The following PCBP2 variants were observed in gnomAD, a reference collection of about 807,000 sequenced individuals.
The protein encoded by PCBP2 is poly(rC)-binding protein 2.
Under a neutral mutation model 50.1 loss-of-function variants are expected in PCBP2, and 4 were observed. The ratio of observed to expected loss-of-function variants is 0.08; its 90% CI spans 0.04 to 0.18. The LOEUF (loss-of-function observed/expected upper bound fraction) is 0.18. PCBP2 is among the 10% of genes least tolerant of loss of function. The pLI, the probability that PCBP2 is intolerant of heterozygous loss-of-function variation, is 1.00. For missense variants in PCBP2, 161 were observed against 474.3 expected (o/e 0.34, Z 6.14); for synonymous variants, 179 against 168.0 (o/e 1.07, Z -0.51).
At chr12:53,460,089 T>C (rs563783043) in intron 6 of PCBP2, 13 of 233,688 alleles carry the variant, frequency 5.6e-5, no homozygotes, top group South Asian at 2.1e-4. Context: ...ACCAGACTTA[T>C]AAACAACAAG....
intron 14 of PCBP2, among the ~76,000 whole-genome samples, chr12:53,476,452 T>C (rs1310840013): frequency 6.6e-6 from 1 of 152,238 alleles, no homozygotes; most frequent in African/African-American, 2.4e-5. Flanking sequence ...CATTTTCTTA[T>C]ACTAAGATGG....
At chr12:53,464,888 A>C in intron 9 of PCBP2, 36 bp downstream of exon 9, 1 of 1,563,966 alleles carries the variant, frequency 6.4e-7, no homozygotes, top group Non-Finnish European at 8.6e-7. Flanking sequence ...GGCTCACTCA[A>C]TCCTTCCGCC....
chr12:53,469,592 G>A (rs1942059874), intron 13 of PCBP2, among the ~76,000 whole-genome samples: 1 of 152,026 alleles, frequency 6.6e-6, no homozygotes, highest in Non-Finnish European at 1.5e-5. Flanking sequence ...CTGGCATGGT[G>A]TTGCATCTCT....
intron 4 of PCBP2, 46 bp downstream of exon 4, chr12:53,455,539 C>A (rs1412191433): frequency 6.3e-7 from 1 of 1,585,132 alleles, no homozygotes; most frequent in Non-Finnish European, 8.7e-7. Context: ...AAGTAAAAAA[C>A]CTTTAAAACA....
rs552321931 is a variant in PCBP2, at chr12:53,466,749, A to G, written c.715-472A>G. 4.6e-5 allele frequency among the ~76,000 whole-genome samples: 7 copies of G among 152,238 alleles called. No individual in the cohort carries two copies. The South Asian group carries it at 1.2e-3, about 27-fold the overall frequency. ...TGGTGGCGGTGATGGGACTAAACCC[A>G]GTATGGTTTCTTCACCTCTCTCCTC... On this transcript the variant is annotated intron_variant, in intron 10 of 14. Coordinates refer to ENST00000546463, the MANE Select transcript of PCBP2 (RefSeq NM_031989.5).
chr12:53,467,489 C>A, intron 11 of PCBP2, 196 bp downstream of exon 11: 1 of 641,922 alleles, frequency 1.6e-6, no homozygotes, highest in Non-Finnish European at 2.8e-6. Flanking sequence ...GTCAGTTATT[C>A]TAAAAGAAAA....
At chr12:53,453,005 G>A (rs1454852488) in intron 1 of PCBP2, 6 of 152,046 alleles carry the variant, frequency 3.9e-5, no homozygotes, top group African/African-American at 1.2e-4. Flanking sequence ...CAAAATGCCT[G>A]CCGATGTAAT....
intron 10 of PCBP2, among the ~76,000 whole-genome samples, chr12:53,466,794 C>A (rs548740171): frequency 1.3e-5 from 2 of 152,044 alleles, no homozygotes; most frequent in Non-Finnish European, 2.9e-5. Flanking sequence ...TCCCTGCCCC[C>A]CTCATCTCCT....
chr12:53,480,539 A>G lies in PCBP2; in HGVS notation c.*1097A>G, dbSNP rs1378273340. The G allele has an allele frequency of 6.5e-6, 1 of 152,686 alleles. No individual in the cohort carries two copies. The highest frequency in any genetic ancestry group is 2.4e-5 in the African/African-American group (1 of 41,432). 9.5% of individuals were successfully genotyped at this position (152,686 alleles called of 1,614,324 possible). On this transcript the variant is annotated 3_prime_UTR_variant, in exon 15 of 15. Transcript: ENST00000546463. Reference sequence around the variant, plus strand: ...TTTCAAGGTTTTTCACAGGGGTTACAGTAGGACAGTCCCCACCCCAATCAG... The same window carrying G: ...TTTCAAGGTTTTTCACAGGGGTTACGGTAGGACAGTCCCCACCCCAATCAG...
intron 5 of PCBP2, among the ~76,000 whole-genome samples, chr12:53,457,598 A>G (rs956043299): frequency 1.3e-5 from 2 of 150,708 alleles, no homozygotes; most frequent in African/African-American, 4.9e-5. Context: ...CTCCTGTCTC[A>G]GCCTCCCAAA....
chr12:53,456,400 G>A (rs2137022900), intron 5 of PCBP2, among the ~76,000 whole-genome samples: 1 of 151,562 alleles, frequency 6.6e-6, no homozygotes, highest in Middle Eastern at 3.4e-3. Context: ...GGAGGTTGTG[G>A]TGAGCCGAGA....
intron 5 of PCBP2, among the ~76,000 whole-genome samples, chr12:53,458,525 T>A (rs912047831): frequency 4.0e-5 from 6 of 151,896 alleles, no homozygotes; most frequent in Admixed American, 3.3e-4. Context: ...CAGGCTGGTC[T>A]TGAACTGCTG....
At chr12:53,455,648 T>G (rs1940951132) in intron 4 of PCBP2, among the ~76,000 whole-genome samples, 155 bp downstream of exon 4, 1 of 151,290 alleles carries the variant, frequency 6.6e-6, no homozygotes, top group Admixed American at 6.6e-5. Context: ...GGGAGTGTAT[T>G]TTTTTTTTCC....
chr12:53,462,183 A>T (rs1043422390), intron 7 of PCBP2, among the ~76,000 whole-genome samples: 6 of 152,238 alleles, frequency 3.9e-5, no homozygotes, highest in Admixed American at 3.9e-4. Context: ...ATCAACAAAA[A>T]TATACGTTTA....
chr12:53,475,878 C>A (rs186104698), intron 14 of PCBP2: 125 of 152,348 alleles, frequency 8.2e-4, no homozygotes, highest in African/African-American at 2.8e-3. Flanking sequence ...TATCTGACTT[C>A]TCAGATGGCC....
intron 14 of PCBP2, chr12:53,474,954 CCTT>C (rs753254432): frequency 1.2e-4 from 53 of 456,688 alleles, no homozygotes; most frequent in Middle Eastern, 6.5e-4. Context: ...ACCCTCCACC[CCTT>C]CTTCTTCTTC....
intron 12 of PCBP2, 79 bp downstream of exon 12, chr12:53,467,922 A>G (rs1039810555): frequency 4.6e-6 from 5 of 1,089,716 alleles, no homozygotes; most frequent in East Asian, 2.4e-5. Flanking sequence ...TTCACTGCCC[A>G]TGAACCATAC....
chr12:53,467,971 A>T lies in PCBP2; in HGVS notation c.826+128A>T. 3.8e-6 allele frequency: 3 copies of T among 788,318 alleles called. No individual in the cohort carries two copies. In the South Asian group the frequency reaches 4.5e-5, roughly 12 times the overall value. 48.8% of individuals were successfully genotyped at this position (788,318 alleles called of 1,614,324 possible). A position where few individuals can be genotyped will look rare whatever the true frequency, so the allele number is the denominator to read the frequency against. ...ATGGCAGAGAGGAGCTGAGAGAGCA[A>T]AGGGGTGGGCCTGGAGCCCCCGAGG... On this transcript the variant is annotated intron_variant, in intron 12 of 14. Transcript: ENST00000546463.
At chr12:53,474,788 T>C (rs1210542312) in intron 14 of PCBP2, 3 of 349,966 alleles carry the variant, frequency 8.6e-6, no homozygotes, top group Non-Finnish European at 1.7e-5. Context: ...ACTGAAGCAG[T>C]TTTTGTCCTG....
Sources: gnomAD v4.1 joint callset for allele counts (sites outside exome capture counted in the v4.1 genomes callset) on GRCh38, gnomAD v4.1.1 for gene constraint, MANE v1.5 for transcripts, NCBI Gene and HGNC (gene_info 2026-07-23, HGNC 2026-07-21) for gene names.